RGS11: variants seen among roughly 807,000 people sequenced by gnomAD.
RGS11 encodes the protein regulator of G-protein signaling 11.
In RGS11, 86 loss-of-function variants were observed where a neutral mutation model predicts 71.1. The observed-to-expected ratio is 1.21, with a 90% CI of 1.02 to 1.45. The LOEUF is 1.45. Among genes scored for constraint, RGS11 ranks in the 40% most tolerant of loss-of-function variants. The pLI is 0.00. For missense variants in RGS11, 734 were observed against 635.1 expected, an observed-to-expected ratio of 1.16 and a Z score of -1.67; for synonymous variants, 298 against 254.2, an observed-to-expected ratio of 1.17 and a Z score of -1.64.
At chr16:272,815 G>A in intron 9 of RGS11, 48 bp downstream of exon 9, 1 of 1,537,736 alleles carries the variant, frequency 6.5e-7, no homozygotes, top group Non-Finnish European at 8.7e-7. Flanking sequence ...GCAGGGTGCA[G>A]CCGGTGTGCA....
At position 275,172 on chromosome 16, in the gene RGS11, C is replaced by G. The variant is rs897242337; in HGVS notation, c.212-90G>C. ...CTCCTCTCCCCTATGTGCTCCCCAC[C>G]CTTGCACAGCGCGCTCAGCAGGGCT... On this transcript the variant is annotated intron_variant, in intron 3 of 16. Coordinates refer to ENST00000397770, the MANE Select transcript of RGS11 (RefSeq NM_183337.3). The G allele has an allele frequency of 3.5e-5, 55 of 1,586,746 alleles. No homozygotes were observed. The South Asian group carries it at 4.2e-4, about 12-fold the overall frequency.
Position 269,506 on chromosome 16 carries a change from C to T in RGS11, c.1286G>A (p.Arg429Lys). The change falls in exon 16 of 17, where the codon AGA becomes AAA. Residue 429 changes from arginine to lysine, a missense_variant. Coordinates refer to ENST00000397770, the MANE Select transcript of RGS11 (RefSeq NM_183337.3). ...AEAGIPLEMK[R>K]RVFPFTWRPR... ...ACAGGGCACTGCCTGGGCTCACCGTCTCTTCATCTCCAGCGGGATCCCAGC... is the reference window on the plus strand; with the variant it reads ...ACAGGGCACTGCCTGGGCTCACCGTTTCTTCATCTCCAGCGGGATCCCAGC... The T allele has an allele frequency of 6.2e-7, 1 of 1,613,096 alleles. No homozygotes were observed. The highest frequency in any genetic ancestry group is 8.5e-7 in the Non-Finnish European group (1 of 1,179,862).
chr16:273,690 CCTGGG>C (rs2052036340), intron 7 of RGS11, 65 bp downstream of exon 7: 3 of 1,561,586 alleles, frequency 1.9e-6, no homozygotes, highest in Non-Finnish European at 2.6e-6. Flanking sequence ...CGGAGCCTGG[CCTGGG>C]CTGGGCTTCC....
chr16:271,724 C>A, intron 9 of RGS11, 155 bp from the exon 10 acceptor site: 1 of 689,200 alleles, frequency 1.5e-6, no homozygotes, highest in Non-Finnish European at 2.5e-6. Flanking sequence ...GGAGCCCCTT[C>A]TTCCAATCAG....
intron 7 of RGS11, 54 bp downstream of exon 7, chr16:273,706 C>G (rs938947328): frequency 8.2e-6 from 13 of 1,581,062 alleles, no homozygotes; most frequent in South Asian, 1.1e-5. Flanking sequence ...CTGGGCTTCC[C>G]GGGTAGCCTG....
At chr16:275,160 T>A in intron 3 of RGS11, 78 bp from the exon 4 acceptor site, 2 of 1,562,002 alleles carry the variant, frequency 1.3e-6, no homozygotes, top group Non-Finnish European at 1.7e-6. Context: ...CTCTCCCCTA[T>A]GTGCTCCCCA....
chr16:275,177 C>A, intron 3 of RGS11, 95 bp from the exon 4 acceptor site: 5 of 1,591,440 alleles, frequency 3.1e-6, no homozygotes, highest in African/African-American at 2.7e-5. Context: ...CCCACCCTTG[C>A]ACAGCGCGCT....
Position 269,548 on chromosome 16 carries a change from T to C in RGS11, c.1244A>G (p.Lys415Arg), listed in dbSNP as rs57268939. Reference protein sequence around the residue: ...YPRFLKSDMYKALLAEAGIPL... With the variant: ...YPRFLKSDMYRALLAEAGIPL... Reference sequence around the variant, plus strand: ...GATCCCAGCCTCTGCCAGGAGGGCCTTGTACATGTCAGACTTCAGGAACCT... The same window carrying C: ...GATCCCAGCCTCTGCCAGGAGGGCCCTGTACATGTCAGACTTCAGGAACCT... Residue 415 changes from lysine to arginine, a missense_variant, in exon 16 of 17, where the codon AAG becomes AGG. Coordinates refer to ENST00000397770, the MANE Select transcript of RGS11 (RefSeq NM_183337.3). The C allele has an allele frequency of 5.4e-3, 8,641 of 1,613,380 alleles. 366 individuals are homozygous for C. In the East Asian group the frequency reaches 0.11, roughly 20 times the overall value.
Position 271,182 on chromosome 16 carries a change from G to A in RGS11, c.863+20C>T, listed in dbSNP as rs1213097923. The A allele has an allele frequency of 1.5e-5, 24 of 1,608,096 alleles. No individual in the cohort carries two copies. The highest frequency in any genetic ancestry group is 1.7e-5 in the Non-Finnish European group (20 of 1,176,244). ...AGGCTGGGAGCACACCCGCAGTCCC[G>A]CTGCCCCGCCTGGGCTCACGTGGGG... On this transcript the variant is annotated intron_variant, in intron 12 of 16. Transcript: ENST00000397770.
Position 268,950 on chromosome 16 carries a change from G to T in RGS11, c.*319C>A. 1 of 1,550,140 alleles carries T rather than the reference G, an allele frequency of 6.5e-7. No individual in the cohort carries two copies. Among genetic ancestry groups the T allele is most frequent in the South Asian group, 1.2e-5 (1 of 84,050 alleles). ...AGATGGGGATGGGCACCCAGTGCTGGACTGAAGACCAGAGAAGGTGGAGCT... is the reference window on the plus strand; with the variant it reads ...AGATGGGGATGGGCACCCAGTGCTGTACTGAAGACCAGAGAAGGTGGAGCT... On this transcript the variant is annotated 3_prime_UTR_variant, in exon 17 of 17. Transcript: ENST00000397770.
rs112344350 is a variant in RGS11 at position 274,030 on chromosome 16, T to TG, written c.429+12dup. ...CTGTACCCAGCCGGGGCGGGAAGGG[T>TG]GGGGGGTCCCACCTTCTCATAATCC... On this transcript the variant is annotated intron_variant, in intron 6 of 16. Transcript: ENST00000397770. The TG allele has an allele frequency of 0.19, 288,358 of 1,520,042 alleles. 32,535 individuals carry two copies. The highest frequency in any genetic ancestry group is 0.46 in the African/African-American group (33,220 of 72,166). 94.2% of individuals were successfully genotyped at this position (1,520,042 alleles called of 1,614,324 possible). A position where few individuals can be genotyped will look rare whatever the true frequency, so the allele number is the denominator to read the frequency against.
intron 15 of RGS11, 45 bp from the exon 16 acceptor site, chr16:269,630 C>T (rs777396191): frequency 2.8e-6 from 4 of 1,436,610 alleles, no homozygotes; most frequent in African/African-American, 2.8e-5. Flanking sequence ...GCCTCCTCAC[C>T]TCTCAGCCAG....
At chr16:270,858 AT>A in intron 13 of RGS11, 27 bp from the exon 14 acceptor site, 2 of 1,604,946 alleles carry the variant, frequency 1.2e-6, no homozygotes, top group Non-Finnish European at 1.7e-6. Context: ...CCAGTCAAGG[AT>A]CCCATCGAGA....
chr16:274,029 G>C lies in RGS11; in HGVS notation c.429+14C>G. ...GCTGTACCCAGCCGGGGCGGGAAGGGTGGGGGGTCCCACCTTCTCATAATC... is the reference window on the plus strand; with the variant it reads ...GCTGTACCCAGCCGGGGCGGGAAGGCTGGGGGGTCCCACCTTCTCATAATC... On this transcript the variant is annotated intron_variant, in intron 6 of 16. Transcript: ENST00000397770. 1 of 1,511,854 alleles carries C rather than the reference G, an allele frequency of 6.6e-7. No homozygotes were observed. The highest frequency in any genetic ancestry group is 8.9e-7 in the Non-Finnish European group (1 of 1,124,920). 93.7% of individuals were successfully genotyped at this position (1,511,854 alleles called of 1,614,324 possible).
At position 269,598 on chromosome 16, in the gene RGS11, G is replaced by C. The variant is rs750743059; in HGVS notation, c.1207-13C>G. ...TTGGGTAGGAGTCCTACAAGAGACA[G>C]CGTCCAGCCCCTGACCCTTCTGCCT... On this transcript the variant is annotated splice_polypyrimidine_tract_variant and intron_variant, in intron 15 of 16. Coordinates refer to ENST00000397770, the MANE Select transcript of RGS11 (RefSeq NM_183337.3). The C allele has an allele frequency of 5.2e-5, 83 of 1,606,290 alleles. 3 individuals are homozygous for C. In the South Asian group the frequency reaches 8.5e-4, roughly 16 times the overall value.
chr16:273,042 T>G, intron 8 of RGS11, 111 bp from the exon 9 acceptor site: 1 of 1,033,770 alleles, frequency 9.7e-7, no homozygotes, highest in Non-Finnish European at 1.4e-6. Context: ...TCAAAGGAAC[T>G]CGGGAAGAGT....
intron 4 of RGS11, 159 bp downstream of exon 4, chr16:274,817 T>C (rs1324223314): frequency 2.0e-6 from 2 of 1,011,460 alleles, no homozygotes; most frequent in East Asian, 5.2e-5. Context: ...GGTCCAGGAC[T>C]TTTGGGGAGG....
At chr16:272,356 A>G in intron 9 of RGS11, 2 of 1,290,084 alleles carry the variant, frequency 1.6e-6, no homozygotes, top group Non-Finnish European at 2.0e-6. Context: ...CGTGAACTTA[A>G]GAAGTTTTAT....
At chr16:272,965 A>C (rs1180897266) in intron 8 of RGS11, 34 bp from the exon 9 acceptor site, 2 of 1,465,032 alleles carry the variant, frequency 1.4e-6, no homozygotes, top group Non-Finnish European at 1.8e-6. Context: ...GTGGGGATGC[A>C]GTTCCGGTGG....
Sources: allele counts gnomAD v4.1 joint callset, GRCh38; gene constraint gnomAD v4.1.1; transcripts MANE v1.5; gene names NCBI Gene and HGNC (gene_info 2026-07-23, HGNC 2026-07-21).